Variants in GALNT18 observed in about 807,000 individuals in gnomAD.
GALNT18 encodes GalNAc-transferase 18.
Under a neutral mutation model 69.5 loss-of-function variants are expected in GALNT18, and 44 were observed. That is an observed-to-expected ratio of 0.63 (90% CI 0.50 to 0.81). The LOEUF (loss-of-function observed/expected upper bound fraction) is 0.81. GALNT18 is among the 40% of genes least tolerant of loss of function. The pLI, the probability that GALNT18 is intolerant of heterozygous loss-of-function variation, is 0.00. For missense variants in GALNT18, 715 were observed against 810.0 expected (o/e 0.88, Z 1.42); for synonymous variants, 364 against 318.2 (o/e 1.14, Z -1.53).
rs1421574993 is a variant in GALNT18 at position 11,598,434 on chromosome 11, C to T, written c.235+22925G>A. Among the ~76,000 whole-genome samples the T allele has an allele frequency of 6.6e-6, 1 of 152,106 alleles. No individual in the cohort carries two copies. The highest frequency in any genetic ancestry group is 1.5e-5 in the Non-Finnish European group (1 of 68,016). On this transcript the variant is annotated intron_variant, in intron 1 of 10. Transcript: ENST00000227756. The surrounding 1 kb of genome is among the most constrained non-coding windows in gnomAD (Gnocchi z 4.8). ...CCAGCTCCTGGTAGCTGCCAGCATT[C>T]CTTGATTTGTGATTGCATCACTCCA...
intron 10 of GALNT18, among the ~76,000 whole-genome samples, chr11:11,287,111 T>C (rs1338732590): frequency 1.3e-5 from 2 of 152,172 alleles, no homozygotes; most frequent in African/African-American, 2.4e-5. Flanking sequence ...TGGTCCTCCC[T>C]CAGGGCTACA....
intron 9 of GALNT18, among the ~76,000 whole-genome samples, chr11:11,298,414 C>G (rs1276023396): frequency 6.6e-6 from 1 of 152,260 alleles, no homozygotes; most frequent in Admixed American, 6.5e-5. Flanking sequence ...GCTCTCTCCC[C>G]TCCTTGCCTA....
At chr11:11,411,952 C>T (rs1194492552) in intron 3 of GALNT18, among the ~76,000 whole-genome samples, 2 of 152,146 alleles carry the variant, frequency 1.3e-5, no homozygotes, top group Non-Finnish European at 2.9e-5. Context: ...GGGAATGGGA[C>T]CTCATATCCC....
chr11:11,535,304 G>A (rs1037606986), intron 1 of GALNT18, among the ~76,000 whole-genome samples: 1 of 152,222 alleles, frequency 6.6e-6, no homozygotes, highest in African/African-American at 2.4e-5. Context: ...TTCTGCCACT[G>A]AGCAGCTCTG....
rs1859235364 is a variant in GALNT18 at position 11,586,723 on chromosome 11, C to T, written c.235+34636G>A. Among the ~76,000 whole-genome samples, 1 of 152,180 alleles carries T rather than the reference C, an allele frequency of 6.6e-6. No homozygotes were observed. Among genetic ancestry groups the T allele is most frequent in the Admixed American group, 6.5e-5 (1 of 15,280 alleles). ...GCTTGGTAGCTCATGCCTGTAATCACAGCCCTTTGGGACGCCGAGGCGGGC... is the reference window on the plus strand; with the variant it reads ...GCTTGGTAGCTCATGCCTGTAATCATAGCCCTTTGGGACGCCGAGGCGGGC... On this transcript the variant is annotated intron_variant, in intron 1 of 10. Coordinates refer to ENST00000227756, the MANE Select transcript of GALNT18 (RefSeq NM_198516.3). The surrounding 1 kb of genome is among the most constrained non-coding windows in gnomAD (Gnocchi z 4.1).
chr11:11,424,016 T>TG (rs1337693715), intron 3 of GALNT18, among the ~76,000 whole-genome samples: 2 of 152,122 alleles, frequency 1.3e-5, no homozygotes, highest in African/African-American at 2.4e-5. Flanking sequence ...CCTGGAGAAG[T>TG]GGGGGTCAAA....
chr11:11,478,301 T>C (rs1011555561), intron 1 of GALNT18, among the ~76,000 whole-genome samples: 3 of 152,216 alleles, frequency 2.0e-5, no homozygotes, highest in Non-Finnish European at 2.9e-5. Flanking sequence ...CAATCAAATG[T>C]GAGCGTAGAA....
intron 9 of GALNT18, among the ~76,000 whole-genome samples, chr11:11,303,659 G>A (rs1171723569): frequency 6.6e-6 from 1 of 152,014 alleles, no homozygotes; most frequent in Non-Finnish European, 1.5e-5. Context: ...AGCCTTCTGG[G>A]GACTCCACAT....
In GALNT18 at chr11:11,463,227, G is replaced by C. The variant is rs78991898; in HGVS notation, c.236-14291C>G. On this transcript the variant is annotated intron_variant, in intron 1 of 10. Transcript: ENST00000227756. This position sits in a 1 kb window ranked among gnomAD's most constrained non-coding sequence, Gnocchi z 4.2. ...ACAGACAGACACACACACACACACA[G>C]AGAGAGAGAGAGAGAGTTCCAGAAG... 0.024 allele frequency among the ~76,000 whole-genome samples: 3,102 copies of C among 128,266 alleles called. 93 individuals carry two copies. Among genetic ancestry groups the C allele is most frequent in the African/African-American group, 0.08 (2,743 of 34,366 alleles). The allele number at this position is 128,266 out of a possible 152,430, so 84.1% of individuals were successfully genotyped here. A position where few individuals can be genotyped will look rare whatever the true frequency, so the allele number is the denominator to read the frequency against.
intron 8 of GALNT18, among the ~76,000 whole-genome samples, chr11:11,328,397 G>A (rs1326928292): frequency 6.6e-6 from 1 of 152,196 alleles, no homozygotes; most frequent in Non-Finnish European, 1.5e-5. Context: ...AGGCCACAGG[G>A]AGGCTATCTA....
rs139767791 is a variant in GALNT18, at chr11:11,276,165, C to T, written c.1678-4875G>A. Among the ~76,000 whole-genome samples, 762 of 152,308 alleles carry T rather than the reference C, an allele frequency of 5.0e-3. 8 individuals carry two copies. Among genetic ancestry groups the T allele is most frequent in the African/African-American group, 0.017 (693 of 41,562 alleles). The stretch of plus-strand genomic sequence containing the variant: ...GATATTGATTCTTCCCACCCATGAG[C>T]GTGGAATGTTTTTCCATTTGCTTGT... On this transcript the variant is annotated intron_variant, in intron 10 of 10. Coordinates refer to ENST00000227756, the MANE Select transcript of GALNT18 (RefSeq NM_198516.3).
intron 9 of GALNT18, among the ~76,000 whole-genome samples, chr11:11,307,130 A>G (rs11021768): frequency 0.13 from 19,632 of 152,096 alleles, 1,681 homozygotes; most frequent in Admixed American, 0.21. Context: ...CTAGCAGAAG[A>G]TAAGGCCAGT....
intron 1 of GALNT18, among the ~76,000 whole-genome samples, chr11:11,594,547 T>C (rs1859441105): frequency 6.6e-6 from 1 of 152,192 alleles, no homozygotes; most frequent in South Asian, 2.1e-4. Context: ...TCTCTGTTCA[T>C]ACAAATCAAA....
At chr11:11,599,291 T>A (rs1307052094) in intron 1 of GALNT18, among the ~76,000 whole-genome samples, 1 of 152,078 alleles carries the variant, frequency 6.6e-6, no homozygotes, top group Non-Finnish European at 1.5e-5. Context: ...AAGGTGCATA[T>A]GTGTTTATAA....
chr11:11,501,673 G>C lies in GALNT18; in HGVS notation c.236-52737C>G, dbSNP rs146009296. On this transcript the variant is annotated intron_variant, in intron 1 of 10. Transcript: ENST00000227756. Reference sequence around the variant, plus strand: ...AGTTTGTGAGAAAATGCAAGGGAAAGTGCCTTGACAACCAGAAGACCTGGA... The same window carrying C: ...AGTTTGTGAGAAAATGCAAGGGAAACTGCCTTGACAACCAGAAGACCTGGA... Among the ~76,000 whole-genome samples the C allele has an allele frequency of 2.9e-3, 443 of 152,266 alleles. 2 individuals carry two copies. The highest frequency in any genetic ancestry group is 0.01 in the African/African-American group (430 of 41,558).
intron 1 of GALNT18, among the ~76,000 whole-genome samples, chr11:11,536,683 C>G (rs539907637): frequency 2.0e-5 from 3 of 151,808 alleles, no homozygotes; most frequent in Admixed American, 1.3e-4. Context: ...TCCCTGCATG[C>G]CACTTACATA....
At chr11:11,510,747 T>C (rs3934815) in intron 1 of GALNT18, among the ~76,000 whole-genome samples, 83,313 of 152,178 alleles carry the variant, frequency 0.55, 24,924 homozygotes, top group Non-Finnish European at 0.67. Context: ...TTCTAGGCTG[T>C]GATCTTCTCT....
intron 1 of GALNT18, among the ~76,000 whole-genome samples, chr11:11,513,989 C>T (rs1857214713): frequency 6.6e-6 from 1 of 152,122 alleles, no homozygotes; most frequent in African/African-American, 2.4e-5. Flanking sequence ...GCTGGTTCCC[C>T]CCAAGGGCCA....
At position 11,465,366 on chromosome 11, in the gene GALNT18, C is replaced by T. The variant is rs1856133990; in HGVS notation, c.236-16430G>A. On this transcript the variant is annotated intron_variant, in intron 1 of 10. Coordinates refer to ENST00000227756, the MANE Select transcript of GALNT18 (RefSeq NM_198516.3). The surrounding 1 kb of genome is among the most constrained non-coding windows in gnomAD (Gnocchi z 5.7). ...CCCAGGGCTAGGAAGCAGAGATTCC[C>T]ACCTTATGGAGCTGTCACTGTGCAG... Among the ~76,000 whole-genome samples, 1 of 152,138 alleles carries T rather than the reference C, an allele frequency of 6.6e-6. No homozygotes were observed. Among genetic ancestry groups the T allele is most frequent in the African/African-American group, 2.4e-5 (1 of 41,418 alleles).
Sources: gnomAD v4.1 joint callset for allele counts (sites outside exome capture counted in the v4.1 genomes callset) on GRCh38, gnomAD v4.1.1 for gene constraint, Gnocchi (gnomAD v3.1) non-coding constraint, MANE v1.5 for transcripts, NCBI Gene and HGNC (gene_info 2026-07-23, HGNC 2026-07-21) for gene names.